Variants in LRPPRC observed in about 807,000 individuals in gnomAD.
LRPPRC encodes the protein leucine rich pentatricopeptide repeat containing.
A neutral mutation model predicts 180.3 loss-of-function variants in LRPPRC; 120 were observed. The ratio of observed to expected loss-of-function variants is 0.67; its 90% confidence interval spans 0.57 to 0.77. LRPPRC has a LOEUF of 0.77. Ranked by LOEUF, LRPPRC falls within the 30% of genes least tolerant of loss-of-function variation. The probability of loss-of-function intolerance (pLI) is 0.00; values close to 1 mark genes in which losing one functional copy is unlikely to be tolerated. For synonymous variants in LRPPRC, 723 were observed against 600.0 expected, an observed-to-expected ratio of 1.21 and a Z score of -3.00; for missense variants, 2,012 against 1,657.2, an observed-to-expected ratio of 1.21 and a Z score of -3.72.
chr2:43,973,884 G>T lies in LRPPRC; in HGVS notation c.1172C>A (p.Thr391Lys), dbSNP rs369533881. ...TTCCTTTAACTTCTTACAGTAGTCT[G>T]TTAGCTTCTCCACAGGCTGTGGGAA... Reference protein sequence around the residue: ...VTMNTPVEKLTDYCKKLKEVQ... With the variant: ...VTMNTPVEKLKDYCKKLKEVQ... Residue 391 changes from threonine to lysine, a missense_variant, in exon 10 of 38, where the codon ACA (threonine) becomes AAA (lysine). Physicochemically the swap from Thr to Lys is moderately conservative, Grantham distance 78 (BLOSUM62 -1). Coordinates refer to ENST00000260665, the MANE Select transcript of LRPPRC (RefSeq NM_133259.4). 1.9e-6 allele frequency: 3 copies of T among 1,608,322 alleles called. No homozygotes were observed. In the South Asian group the frequency reaches 3.3e-5, roughly 18 times the overall value.
intron 11 of LRPPRC, among the ~76,000 whole-genome samples, chr2:43,967,379 T>C (rs1673605536): frequency 7.7e-6 from 1 of 129,662 alleles, no homozygotes; most frequent in South Asian, 2.4e-4. Context: ...GTTTATCATA[T>C]AGATAGATGA....
chr2:43,958,548 T>C (rs1047115963), intron 13 of LRPPRC, among the ~76,000 whole-genome samples: 4 of 152,322 alleles, frequency 2.6e-5, no homozygotes, highest in African/African-American at 4.8e-5. Context: ...TTATAGTGTT[T>C]GAAAATCTAA....
At chr2:43,901,040 C>T (rs1418907523) in intron 32 of LRPPRC, among the ~76,000 whole-genome samples, 2 of 152,038 alleles carry the variant, frequency 1.3e-5, no homozygotes, top group East Asian at 1.9e-4. Context: ...CAAAGTGTTT[C>T]GACAACAAGA....
At position 43,888,272 on chromosome 2, in the gene LRPPRC, C is replaced by A; in HGVS notation, c.*328G>T. 3.6e-6 allele frequency: 1 copy of A among 277,926 alleles called. No homozygotes were observed. 17.2% of individuals were successfully genotyped at this position (277,926 alleles called of 1,614,324 possible). ...AGAAACAGCAGACTAATAAGTGAAT[C>A]TTAAATAAAGGAATAACATTTTAAT... On this transcript the variant is annotated 3_prime_UTR_variant, in exon 38 of 38. Coordinates refer to ENST00000260665, the MANE Select transcript of LRPPRC (RefSeq NM_133259.4).
At chr2:43,985,053 T>A (rs1227406213) in intron 1 of LRPPRC, among the ~76,000 whole-genome samples, 1 of 150,970 alleles carries the variant, frequency 6.6e-6, no homozygotes, top group African/African-American at 2.4e-5. Flanking sequence ...TAGTTGAATG[T>A]CCATTAAAAA....
intron 36 of LRPPRC, chr2:43,890,491 ATCACG>A: frequency 2.9e-6 from 1 of 339,636 alleles, no homozygotes; most frequent in South Asian, 2.6e-5. Context: ...AGGTAGGCGG[ATCACG>A]AGGTTAGGAG....
rs760323807 is a variant in LRPPRC at position 43,905,752 on chromosome 2, G to C, written c.3304C>G (p.Leu1102Val). The C allele has an allele frequency of 1.2e-5, 19 of 1,613,750 alleles. No individual in the cohort carries two copies. Among genetic ancestry groups the C allele is most frequent in the South Asian group, 3.3e-5 (3 of 91,078 alleles). The stretch of plus-strand genomic sequence containing the variant: ...AGGCGGCTGTTGGCAGCATCGTTCA[G>C]TGTGAAGCCCTTGATGTGGGTCTCC... ...FAETHIKGFT[L>V]NDAANSRLII... Residue 1102 changes from leucine (L) to valine (V), a missense_variant, in exon 31 of 38, where the codon CTG (leucine) becomes GTG (valine). By Grantham distance (32) the Leu-to-Val change is conservative. Transcript: ENST00000260665.
At chr2:43,968,431 T>A (rs1247570918) in intron 11 of LRPPRC, among the ~76,000 whole-genome samples, 22 of 152,196 alleles carry the variant, frequency 1.4e-4, no homozygotes, top group Non-Finnish European at 2.1e-4. Flanking sequence ...TGGAAGAAAT[T>A]CTTGTGGTCT....
chr2:43,902,458 C>G (rs1316524556), intron 31 of LRPPRC: 1 of 152,094 alleles, frequency 6.6e-6, no homozygotes, highest in Non-Finnish European at 1.5e-5. Flanking sequence ...AAACAGCTTT[C>G]CAACTAAGAA....
At chr2:43,926,951 C>T (rs1014403731) in intron 25 of LRPPRC, among the ~76,000 whole-genome samples, 29 of 152,190 alleles carry the variant, frequency 1.9e-4, no homozygotes, top group African/African-American at 5.8e-4. Flanking sequence ...ACAACTGAGA[C>T]ATATGTTATA....
At chr2:43,968,570 C>T (rs191797482) in intron 11 of LRPPRC, among the ~76,000 whole-genome samples, 32 of 152,308 alleles carry the variant, frequency 2.1e-4, no homozygotes, top group Non-Finnish European at 3.4e-4. Context: ...GGGTGTGCTT[C>T]TCTACATAAA....
chr2:43,971,982 A>G (rs1250593159), intron 11 of LRPPRC, among the ~76,000 whole-genome samples: 1 of 143,606 alleles, frequency 7.0e-6, no homozygotes, highest in Non-Finnish European at 1.5e-5. Flanking sequence ...CGATTAAAAA[A>G]TTCACTCTCT....
chr2:43,919,839 G>C (rs1196742470), intron 27 of LRPPRC, among the ~76,000 whole-genome samples: 2 of 151,830 alleles, frequency 1.3e-5, no homozygotes, highest in African/African-American at 2.4e-5. Flanking sequence ...TATCTGGATT[G>C]TGTGGCATCC....
At chr2:43,941,411 A>C (rs372380047) in intron 23 of LRPPRC, among the ~76,000 whole-genome samples, 63 of 152,188 alleles carry the variant, frequency 4.1e-4, no homozygotes, top group African/African-American at 1.4e-3. Flanking sequence ...ATGATGTTTC[A>C]AAATGTTTTT....
chr2:43,901,079 A>G (rs972656913), intron 32 of LRPPRC, among the ~76,000 whole-genome samples: 8 of 152,220 alleles, frequency 5.3e-5, no homozygotes, highest in Non-Finnish European at 1.2e-4. Flanking sequence ...AGGAATGAGA[A>G]AGGTTATCAA....
chr2:43,894,548 AG>A lies in LRPPRC; in HGVS notation c.3981del (p.Tyr1328MetfsTer17), dbSNP rs1355414515. 4 of 1,432,134 alleles carry A rather than the reference AG, an allele frequency of 2.8e-6. No individual in the cohort carries two copies. In the African/African-American group the frequency reaches 5.6e-5, roughly 20 times the overall value. 88.7% of individuals were successfully genotyped at this position (1,432,134 alleles called of 1,614,324 possible). Reference protein sequence around the residue: ...KEEAYNSLMKSYVSEKDVTSA... With the variant: ...KEEAYNSLMKXYVSEKDVTSA... ...AGTCAAATTAAACTTATATTACCATAGCTTTTCATGAGGGAATTGTATGCTT... is the reference window on the plus strand; with the variant it reads ...AGTCAAATTAAACTTATATTACCATACTTTTCATGAGGGAATTGTATGCTT... On this transcript the variant is annotated frameshift_variant, in exon 36 of 38. Coordinates refer to ENST00000260665, the MANE Select transcript of LRPPRC (RefSeq NM_133259.4). LOFTEE classifies it high-confidence loss of function.
At chr2:43,973,751 C>A (rs1179085612) in intron 10 of LRPPRC, 37 bp from the exon 11 acceptor site, 1 of 1,601,636 alleles carries the variant, frequency 6.2e-7, no homozygotes, top group South Asian at 1.1e-5. Context: ...AAAGCTACCT[C>A]AGCAAAACTT....
Position 43,963,676 on chromosome 2 carries a change from T to G in LRPPRC, c.1400A>C (p.Glu467Ala). ...TTCCTGATCAGGATGTACTCCCAAT[T>G]CTTGCATTCCTTTGAGGATTTCAAT... ...GIIEILKGMQ[E>A]LGVHPDQETY... The change falls in exon 12 of 38, where the codon GAA becomes GCA. Residue 467 changes from glutamate (E) to alanine (A), a missense_variant. Glu to Ala is a moderately radical substitution (Grantham distance 107, BLOSUM62 -1). Transcript: ENST00000260665. 6.2e-7 allele frequency: 1 copy of G among 1,604,092 alleles called. No individual in the cohort carries two copies. Among genetic ancestry groups the G allele is most frequent in the South Asian group, 1.1e-5 (1 of 90,858 alleles).
chr2:43,978,241 T>A (rs78659485), intron 3 of LRPPRC, among the ~76,000 whole-genome samples: 1 of 152,150 alleles, frequency 6.6e-6, no homozygotes, highest in Non-Finnish European at 1.5e-5. Flanking sequence ...TGTATCTTTA[T>A]AAATCTGTAA....
Sources: gnomAD v4.1 joint callset for allele counts (sites outside exome capture counted in the v4.1 genomes callset) on GRCh38, gnomAD v4.1.1 for gene constraint, MANE v1.5 for transcripts, NCBI Gene and HGNC (gene_info 2026-07-23, HGNC 2026-07-21) for gene names.